GLIS3: variants seen among roughly 807,000 people sequenced by gnomAD.
GLIS3 encodes the protein zinc finger protein GLIS3.
A neutral mutation model predicts 78.6 loss-of-function variants in GLIS3; 53 were observed. That is an observed-to-expected ratio of 0.67 (90% CI 0.54 to 0.85). GLIS3 has a LOEUF of 0.85. Among genes scored for constraint, GLIS3 ranks in the 40% least tolerant of loss-of-function variants. GLIS3 has a pLI of 0.00. For missense variants in GLIS3, 1,703 were observed against 1,231.1 expected (o/e 1.38, Z -5.74); for synonymous variants, 684 against 509.9 (o/e 1.34, Z -4.60).
intron 4 of GLIS3, among the ~76,000 whole-genome samples, chr9:4,019,347 G>A (rs1822686416): frequency 1.3e-5 from 2 of 152,174 alleles, no homozygotes; most frequent in South Asian, 4.1e-4. Flanking sequence ...AAGAAATACA[G>A]AGGTAGGAAT....
At chr9:4,217,436 G>A (rs1477938219) in intron 2 of GLIS3, among the ~76,000 whole-genome samples, 1 of 152,148 alleles carries the variant, frequency 6.6e-6, no homozygotes, top group Non-Finnish European at 1.5e-5. Context: ...TTCCAAGCGG[G>A]GACATCATGG....
chr9:3,945,192 T>G (rs944087208), intron 4 of GLIS3, among the ~76,000 whole-genome samples: 5 of 152,186 alleles, frequency 3.3e-5, no homozygotes, highest in Non-Finnish European at 2.9e-5. Flanking sequence ...GCAACCAAAG[T>G]ATTTGATTTT....
chr9:4,182,005 C>T (rs1232662518), intron 2 of GLIS3, among the ~76,000 whole-genome samples: 1 of 152,202 alleles, frequency 6.6e-6, no homozygotes, highest in Non-Finnish European at 1.5e-5. Flanking sequence ...TGTTAAGCAA[C>T]AGTAGACAAC....
In GLIS3 at chr9:4,278,094, C is replaced by T. The variant is rs148786031; in HGVS notation, c.388+7944G>A. Among the ~76,000 whole-genome samples the T allele has an allele frequency of 4.8e-3, 725 of 152,242 alleles. 5 individuals are homozygous for T. The highest frequency in any genetic ancestry group is 0.017 in the African/African-American group (695 of 41,536). The stretch of plus-strand genomic sequence containing the variant: ...AAAACTAAAAGTAACTCTTCCTTGT[C>T]GTAGACAGAGCAAAAAAAATACACT... On this transcript the variant is annotated intron_variant, in intron 2 of 10. Transcript: ENST00000381971.
chr9:3,859,927 G>A (rs1189816226), intron 8 of GLIS3, among the ~76,000 whole-genome samples: 1 of 152,056 alleles, frequency 6.6e-6, no homozygotes, highest in African/African-American at 2.4e-5. Context: ...ATGAGCAATG[G>A]CATGCAAAAG....
chr9:4,113,092 A>G (rs1831355543), intron 4 of GLIS3, among the ~76,000 whole-genome samples: 1 of 152,048 alleles, frequency 6.6e-6, no homozygotes, highest in Admixed American at 6.5e-5. Flanking sequence ...TTGTATTAAT[A>G]CTATATATAC....
intron 4 of GLIS3, among the ~76,000 whole-genome samples, chr9:4,036,629 C>G (rs1259382203): frequency 6.6e-6 from 1 of 152,140 alleles, no homozygotes; most frequent in African/African-American, 2.4e-5. Flanking sequence ...AGACCTGCAG[C>G]CTTAAGCCCT....
rs542099998 is a variant in GLIS3, at chr9:4,294,980, T to C, written c.-99+4441A>G. Among the ~76,000 whole-genome samples, 5 of 152,350 alleles carry C rather than the reference T, an allele frequency of 3.3e-5. No homozygotes were observed. In the South Asian group the frequency reaches 1.0e-3, roughly 32 times the overall value. ...GGTGTGACCATAATCATGAATCCCA[T>C]GGCTTATGGAACCAGTTTAATTACA... On this transcript the variant is annotated intron_variant, in intron 1 of 10. Coordinates refer to ENST00000381971, the MANE Select transcript of GLIS3 (RefSeq NM_001042413.2).
chr9:3,861,010 G>C (rs533081986), intron 8 of GLIS3, among the ~76,000 whole-genome samples: 9 of 152,076 alleles, frequency 5.9e-5, no homozygotes, highest in Non-Finnish European at 5.9e-5. Context: ...AGGGCGGGGT[G>C]GATTAGGAAT....
At chr9:4,297,422 T>C (rs998818434) in intron 1 of GLIS3, among the ~76,000 whole-genome samples, 33 of 152,320 alleles carry the variant, frequency 2.2e-4, no homozygotes, top group African/African-American at 7.0e-4. Flanking sequence ...CTAGCTTTAA[T>C]AGTCTCTCCT....
chr9:4,428,446 T>A, the GLIS3 span, among the ~76,000 whole-genome samples: 2 of 139,986 alleles, frequency 1.4e-5, no homozygotes, highest in Non-Finnish European at 3.0e-5. Flanking sequence ...ACCACTGTAC[T>A]GTACTCCAGC....
intron 6 of GLIS3, among the ~76,000 whole-genome samples, chr9:3,918,254 G>C (rs922494409): frequency 1.3e-5 from 2 of 152,164 alleles, no homozygotes; most frequent in African/African-American, 4.8e-5. Flanking sequence ...GGCTGTCCTT[G>C]CACATTTGCA....
At chr9:4,117,437 C>A (rs957667120) in intron 4 of GLIS3, among the ~76,000 whole-genome samples, 2 of 152,234 alleles carry the variant, frequency 1.3e-5, no homozygotes, top group African/African-American at 4.8e-5. Context: ...GATGTGCAAT[C>A]TGTGTCCTTC....
the GLIS3 span, among the ~76,000 whole-genome samples, chr9:4,398,720 A>C: frequency 3.5e-4 from 53 of 150,688 alleles, 1 homozygote; most frequent in African/African-American, 1.3e-3. Context: ...ACAGAGTTTC[A>C]CTCTGTCACC....
intron 2 of GLIS3, among the ~76,000 whole-genome samples, chr9:4,188,493 G>C (rs933551455): frequency 5.4e-4 from 81 of 150,628 alleles, no homozygotes; most frequent in African/African-American, 1.9e-3. Context: ...TTTGGTATCA[G>C]GATGATGCTG....
chr9:4,132,728 G>C (rs1330629067), intron 2 of GLIS3, among the ~76,000 whole-genome samples: 3 of 151,924 alleles, frequency 2.0e-5, no homozygotes, highest in Non-Finnish European at 2.9e-5. Flanking sequence ...TCCTAGGCTG[G>C]GTCATATAAA....
intron 2 of GLIS3, among the ~76,000 whole-genome samples, chr9:4,209,169 T>C (rs1032472402): frequency 6.6e-6 from 1 of 152,182 alleles, no homozygotes. Flanking sequence ...CCCCCTGATC[T>C]AACCCAACCC....
chr9:4,327,935 A>C (rs1186614903), intron 2 of GLIS3, among the ~76,000 whole-genome samples: 1 of 152,158 alleles, frequency 6.6e-6, no homozygotes, highest in Non-Finnish European at 1.5e-5. Context: ...AATTGCATCA[A>C]GAGCCTGGGC....
chr9:3,963,638 G>C (rs1461968121), intron 4 of GLIS3, among the ~76,000 whole-genome samples: 1 of 152,108 alleles, frequency 6.6e-6, no homozygotes, highest in Non-Finnish European at 1.5e-5. Flanking sequence ...TTTCCTCTTT[G>C]ACTCTCAAAG....
Sources: allele counts gnomAD v4.1 joint callset (sites outside exome capture counted in the v4.1 genomes callset), GRCh38; gene constraint gnomAD v4.1.1; transcripts MANE v1.5; gene names NCBI Gene and HGNC (gene_info 2026-07-23, HGNC 2026-07-21).